EIF3B: variants seen among roughly 807,000 people sequenced by gnomAD.
EIF3B encodes eukaryotic translation initiation factor 3 subunit B.
In EIF3B, 10 loss-of-function variants were observed where a neutral mutation model predicts 104.6. The observed-to-expected ratio is 0.10, with a 90% CI of 0.06 to 0.16. The LOEUF is 0.16. Among genes scored for constraint, EIF3B ranks in the 10% least tolerant of loss-of-function variants. The probability of loss-of-function intolerance (pLI) is 1.00; values close to 1 mark genes in which losing one functional copy is unlikely to be tolerated. For missense variants in EIF3B, 1,014 were observed against 1,087.9 expected (o/e 0.93, Z 0.96); for synonymous variants, 542 against 417.2 (o/e 1.30, Z -3.65).
At chr7:2,354,489 C>T (rs1236205186), upstream of EIF3B, among the ~76,000 whole-genome samples, 1 of 152,124 alleles carries the variant, frequency 6.6e-6, no homozygotes, top group African/African-American at 2.4e-5. Context: ...CCTAGCATTC[C>T]GGGTACTAAA....
intron 9 of EIF3B, among the ~76,000 whole-genome samples, chr7:2,368,689 T>G (rs867942745): frequency 1.3e-5 from 2 of 152,098 alleles, no homozygotes; most frequent in Non-Finnish European, 2.9e-5. Flanking sequence ...TCTGCTTAGG[T>G]GAAAGGTTTT....
At position 2,377,587 on chromosome 7, in the gene EIF3B, G is replaced by C. The variant is rs73673816; in HGVS notation, c.2154+512G>C. Among the ~76,000 whole-genome samples, 656 of 102,640 alleles carry C rather than the reference G, an allele frequency of 6.4e-3. 30 individuals are homozygous for C. The highest frequency in any genetic ancestry group is 0.036 in the African/African-American group (577 of 16,112). 67.3% of individuals were successfully genotyped at this position (102,640 alleles called of 152,430 possible). ...GATGCTGTGTTCTGTGAATGACCCT[G>C]GGTGTCATGGAGGAAGGAGCAGGCG... On this transcript the variant is annotated intron_variant, in intron 15 of 18. Transcript: ENST00000360876.
chr7:2,354,526 C>T (rs1779272490), upstream of EIF3B, among the ~76,000 whole-genome samples: 1 of 152,158 alleles, frequency 6.6e-6, no homozygotes, highest in Non-Finnish European at 1.5e-5. Context: ...GCCTTCAGCT[C>T]CACAAATAGT....
At chr7:2,368,611 T>C (rs1780157069) in intron 9 of EIF3B, among the ~76,000 whole-genome samples, 1 of 152,200 alleles carries the variant, frequency 6.6e-6, no homozygotes, top group African/African-American at 2.4e-5. Flanking sequence ...CTTCCTTCCA[T>C]CTACCTCGTC....
chr7:2,365,644 C>G (rs551456996), intron 6 of EIF3B, among the ~76,000 whole-genome samples: 1 of 143,284 alleles, frequency 7.0e-6, no homozygotes, highest in Non-Finnish European at 1.5e-5. Flanking sequence ...CTGGATGGGA[C>G]TTGTTTTTTT....
rs914334040 is a variant in EIF3B, at chr7:2,354,911, G to C, written c.-11G>C. The C allele has an allele frequency of 1.6e-6, 2 of 1,215,494 alleles. No homozygotes were observed. The highest frequency in any genetic ancestry group is 2.1e-6 in the Non-Finnish European group (2 of 972,148). 75.3% of individuals were successfully genotyped at this position (1,215,494 alleles called of 1,614,324 possible). Reference sequence around the variant, plus strand: ...GGCCGCGGAGCCCTGCGAGTAGGCAGCGTTGGGCCCATGCAGGACGCGGAG... The same window carrying C: ...GGCCGCGGAGCCCTGCGAGTAGGCACCGTTGGGCCCATGCAGGACGCGGAG... On this transcript the variant is annotated 5_prime_UTR_variant, in exon 1 of 19. Transcript: ENST00000360876.
intron 1 of EIF3B, among the ~76,000 whole-genome samples, 193 bp from the exon 2 acceptor site, chr7:2,360,517 A>G (rs951802182): frequency 6.6e-6 from 1 of 152,140 alleles, no homozygotes; most frequent in Non-Finnish European, 1.5e-5. Context: ...TCAAAGGGAG[A>G]GAGGAGAGTT....
intron 3 of EIF3B, 50 bp downstream of exon 3, chr7:2,362,814 T>C (rs1779809592): frequency 1.2e-6 from 2 of 1,611,452 alleles, no homozygotes; most frequent in Admixed American, 3.3e-5. Flanking sequence ...TGCAAGTGAC[T>C]GGCTGTGTGC....
intron 4 of EIF3B, 45 bp downstream of exon 4, chr7:2,363,172 G>T: frequency 1.9e-6 from 3 of 1,593,524 alleles, no homozygotes; most frequent in Non-Finnish European, 2.6e-6. Context: ...AAGAAATGCT[G>T]CTGGGTGTGG....
chr7:2,379,398 G>T lies in EIF3B; in HGVS notation c.2346G>T (p.Val782=). The T allele has an allele frequency of 6.3e-7, 1 of 1,587,336 alleles. No individual in the cohort carries two copies. The highest frequency in any genetic ancestry group is 1.8e-5 in the Admixed American group (1 of 55,634). ...CTGCGCCCTTTGTCCCCTCAGGGGTGGACACTGACGAGCTGGACAGCAACG... is the reference window on the plus strand; with the variant it reads ...CTGCGCCCTTTGTCCCCTCAGGGGTTGACACTGACGAGCTGGACAGCAACG... The part of the protein sequence containing the change: ...KNERLELRGG[V]DTDELDSNVD... The change falls in exon 18 of 19, where the codon GTG becomes GTT. Residue 782 remains valine (V), a synonymous_variant. Coordinates refer to ENST00000360876, the MANE Select transcript of EIF3B (RefSeq NM_001037283.2).
At chr7:2,359,992 G>A (rs568048738) in intron 1 of EIF3B, among the ~76,000 whole-genome samples, 6 of 152,296 alleles carry the variant, frequency 3.9e-5, no homozygotes, top group African/African-American at 9.6e-5. Flanking sequence ...TGTTCTGAAC[G>A]AAGGTGCGTG....
intron 5 of EIF3B, among the ~76,000 whole-genome samples, chr7:2,364,129 G>C (rs952831132): frequency 6.6e-6 from 1 of 152,204 alleles, no homozygotes; most frequent in African/African-American, 2.4e-5. Flanking sequence ...GGGCATGGTG[G>C]CAGGCACCTG....
chr7:2,357,164 T>A (rs901135882), intron 1 of EIF3B, among the ~76,000 whole-genome samples: 9 of 152,250 alleles, frequency 5.9e-5, no homozygotes, highest in Non-Finnish European at 7.3e-5. Context: ...CCCATCGAAT[T>A]CACAGATTTC....
Position 2,354,888 on chromosome 7 carries a change from C to G in EIF3B, c.-34C>G. On this transcript the variant is annotated 5_prime_UTR_variant, in exon 1 of 19. Transcript: ENST00000360876. The stretch of plus-strand genomic sequence containing the variant: ...CCTGGGAGAGTCGGAAGCGCGGCGG[C>G]CGCGGAGCCCTGCGAGTAGGCAGCG... 8.6e-7 allele frequency: 1 copy of G among 1,160,536 alleles called. No homozygotes were observed. Among genetic ancestry groups the G allele is most frequent in the Non-Finnish European group, 1.1e-6 (1 of 943,800 alleles). The allele number at this position is 1,160,536 out of a possible 1,614,324, so 71.9% of individuals were successfully genotyped here.
At chr7:2,374,312 C>T (rs1466178170) in intron 12 of EIF3B, 27 of 484,944 alleles carry the variant, frequency 5.6e-5, no homozygotes, top group Non-Finnish European at 9.3e-5. Flanking sequence ...TTTTGAAATA[C>T]CCCTGTCGCA....
intron 11 of EIF3B, chr7:2,372,204 TA>T (rs145083911): frequency 6.7e-5 from 17 of 252,246 alleles, no homozygotes; most frequent in East Asian, 1.7e-4. Context: ...AGACCCTGTC[TA>T]AAAAAAAGAG....
chr7:2,378,806 C>A, intron 16 of EIF3B, 40 bp downstream of exon 16: 1 of 1,570,614 alleles, frequency 6.4e-7, no homozygotes, highest in Non-Finnish European at 8.8e-7. Flanking sequence ...GCTGTGACAT[C>A]CGCCATCATG....
At chr7:2,372,587 T>C in intron 11 of EIF3B, 86 bp from the exon 12 acceptor site, 1 of 1,491,524 alleles carries the variant, frequency 6.7e-7, no homozygotes, top group Non-Finnish European at 9.1e-7. Flanking sequence ...TATTTCTCTG[T>C]GGTTGAATAG....
intron 10 of EIF3B, among the ~76,000 whole-genome samples, chr7:2,370,644 C>T (rs1392214948): frequency 3.3e-5 from 5 of 152,118 alleles, no homozygotes; most frequent in Admixed American, 2.0e-4. Flanking sequence ...ATGCAGCCAC[C>T]ACCACTCATT....
Sources: allele counts gnomAD v4.1 joint callset (sites outside exome capture counted in the v4.1 genomes callset), GRCh38; gene constraint gnomAD v4.1.1; transcripts MANE v1.5; gene names NCBI Gene and HGNC (gene_info 2026-07-23, HGNC 2026-07-21).